The following TRIM7 variants were observed in gnomAD, a reference collection of about 807,000 sequenced individuals.
TRIM7 encodes the protein tripartite motif containing 7.
Under a neutral mutation model 37.9 loss-of-function variants are expected in TRIM7, and 32 were observed. The observed-to-expected ratio is 0.84, with a 90% CI of 0.64 to 1.13. The LOEUF is 1.13. TRIM7 is among the 50% of genes most tolerant of loss of function. The probability of loss-of-function intolerance (pLI) is 0.00; values close to 1 mark genes in which losing one functional copy is unlikely to be tolerated. For missense variants in TRIM7, 732 were observed against 714.0 expected (o/e 1.03, Z -0.29); for synonymous variants, 351 against 321.3 (o/e 1.09, Z -0.99).
chr5:181,200,180 C>A, intron 2 of TRIM7, 99 bp from the exon 3 acceptor site: 2 of 1,603,566 alleles, frequency 1.2e-6, no homozygotes, highest in South Asian at 1.1e-5. Context: ...TCGTCCCTGT[C>A]ACTGCTGGAG....
intron 4 of TRIM7, 122 bp from the exon 5 acceptor site, chr5:181,198,927 G>T: frequency 1.7e-6 from 2 of 1,172,394 alleles, no homozygotes; most frequent in Non-Finnish European, 2.5e-6. Context: ...CAGACCTCAT[G>T]CAGAAAAACC....
chr5:181,194,439 C>T lies in TRIM7; in HGVS notation c.*727G>A, dbSNP rs1340306655. The T allele has an allele frequency of 2.0e-5, 3 of 151,418 alleles. No homozygotes were observed. The highest frequency in any genetic ancestry group is 2.9e-5 in the Non-Finnish European group (2 of 68,114). The allele number at this position is 151,418 out of a possible 1,614,324, so 9.4% of individuals were successfully genotyped here. On this transcript the variant is annotated 3_prime_UTR_variant, in exon 7 of 7. Coordinates refer to ENST00000274773, the MANE Select transcript of TRIM7 (RefSeq NM_203293.3). ...AGCTTTGCTCTCCTTATCCAAGCAGCGTTTGTACTTTGGCACTGGAAAGTG... is the reference window on the plus strand; with the variant it reads ...AGCTTTGCTCTCCTTATCCAAGCAGTGTTTGTACTTTGGCACTGGAAAGTG...
At chr5:181,195,885 T>C (rs1757090262) in intron 6 of TRIM7, 1 of 507,962 alleles carries the variant, frequency 2.0e-6, no homozygotes, top group Non-Finnish European at 3.3e-6. Flanking sequence ...AAGTACTTAC[T>C]GAAATCAAAC....
At chr5:181,200,801 G>A (rs548617671) in intron 2 of TRIM7, 40 of 985,666 alleles carry the variant, frequency 4.1e-5, no homozygotes, top group Non-Finnish European at 4.3e-5. Flanking sequence ...CACTCAATAT[G>A]TCCCACCAGG....
At chr5:181,198,093 C>T in intron 6 of TRIM7, 90 bp downstream of exon 6, 3 of 1,470,908 alleles carry the variant, frequency 2.0e-6, no homozygotes, top group Non-Finnish European at 2.8e-6. Context: ...AGGAACCGAC[C>T]ATATGCAAAA....
chr5:181,195,539 G>T lies in TRIM7; in HGVS notation c.1163C>A (p.Ala388Glu), dbSNP rs752706205. 1.9e-6 allele frequency: 3 copies of T among 1,612,250 alleles called. No individual in the cohort carries two copies. The highest frequency in any genetic ancestry group is 3.3e-5 in the Admixed American group (2 of 59,954). The change falls in exon 7 of 7, where the codon GCG (alanine) becomes GAG (glutamate). Residue 388 changes from alanine (A) to glutamate (E), a missense_variant. Ala to Glu is a moderately radical substitution (Grantham distance 107, BLOSUM62 -1). Transcript: ENST00000274773. ...CRFDTNTRVLASCGFSSGRHH... is the reference protein window; with the variant it reads ...CRFDTNTRVLESCGFSSGRHH... ...CCGGCCCGAGGAGAAGCCGCAGGAC[G>T]CCAGGACGCGGGTGTTGGTGTCGAA... is the stretch of plus-strand genomic sequence containing the variant.
rs1757316737 is a variant in TRIM7 at position 181,199,049 on chromosome 5, G to C, written c.872+46C>G. ...AATAAAGACAAGGCTCAGTGAAAAG[G>C]GAAGAAGCAACTTAGAGAGGCCCCA... is the stretch of plus-strand genomic sequence containing the variant. On this transcript the variant is annotated intron_variant, in intron 4 of 6. Transcript: ENST00000274773. The C allele has an allele frequency of 2.5e-6, 4 of 1,612,740 alleles. No individual in the cohort carries two copies. In the South Asian group the frequency reaches 3.3e-5, roughly 13 times the overall value.
chr5:181,205,069 G>C lies in TRIM7; in HGVS notation c.42C>G (p.Ala14=), dbSNP rs1176164914. 3 of 1,374,848 alleles carry C rather than the reference G, an allele frequency of 2.2e-6. 1 individual carries two copies. The highest frequency in any genetic ancestry group is 2.8e-6 in the Non-Finnish European group (3 of 1,067,850). 85.2% of individuals were successfully genotyped at this position (1,374,848 alleles called of 1,614,324 possible). ...VGPRTGPGTG[A]EALALAAELQ... ...GCTCTGCCGCCAGCGCTAGAGCCTC[G>C]GCGCCGGTTCCGGGGCCGGTCCGCG... Residue 14 remains alanine, a synonymous_variant, in exon 1 of 7, where the codon GCC becomes GCG. Transcript: ENST00000274773.
rs763089536 is a variant in TRIM7 at position 181,199,884 on chromosome 5, C to T, written c.816G>A (p.Glu272=). The T allele has an allele frequency of 1.9e-6, 3 of 1,614,204 alleles. No homozygotes were observed. The highest frequency in any genetic ancestry group is 2.5e-6 in the Non-Finnish European group (3 of 1,180,040). ...AGTCAAGGTCAGGCTTTTGAGCTGT[C>T]TCCTGGATCTGGCTGCTGAGCTTGG... The part of the protein sequence containing the change: ...QLSKLSSQIQ[E]TAQKPDLDFL... The change falls in exon 3 of 7, where the codon GAG becomes GAA. Residue 272 remains glutamate (E), a synonymous_variant. Transcript: ENST00000274773.
In TRIM7 at chr5:181,195,693, G is replaced by A. The variant is rs772538870; in HGVS notation, c.1025-16C>T. 2 of 1,509,828 alleles carry A rather than the reference G, an allele frequency of 1.3e-6. No homozygotes were observed. The highest frequency in any genetic ancestry group is 8.9e-7 in the Non-Finnish European group (1 of 1,128,014). The allele number at this position is 1,509,828 out of a possible 1,614,324, so 93.5% of individuals were successfully genotyped here. A position where few individuals can be genotyped will look rare whatever the true frequency, so the allele number is the denominator to read the frequency against. On this transcript the variant is annotated splice_polypyrimidine_tract_variant and intron_variant, in intron 6 of 6. Transcript: ENST00000274773. Reference sequence around the variant, plus strand: ...GTGAGCTCCACTGCAGACAGAGACAGGGAGAAATGTCCCCACGCAGCCAGG... The same window carrying A: ...GTGAGCTCCACTGCAGACAGAGACAAGGAGAAATGTCCCCACGCAGCCAGG...
chr5:181,203,403 T>A, intron 2 of TRIM7, 142 bp downstream of exon 2: 1 of 1,506,792 alleles, frequency 6.6e-7, no homozygotes, highest in Non-Finnish European at 8.8e-7. Flanking sequence ...GGACACCCTA[T>A]ATAATATGGA....
At position 181,195,538 on chromosome 5, in the gene TRIM7, C is replaced by T. The variant is rs539992975; in HGVS notation, c.1164G>A (p.Ala388=). 31 of 1,612,384 alleles carry T rather than the reference C, an allele frequency of 1.9e-5. No individual in the cohort carries two copies. The East Asian group carries it at 6.7e-4, about 35-fold the overall frequency. ...GCCGGCCCGAGGAGAAGCCGCAGGA[C>T]GCCAGGACGCGGGTGTTGGTGTCGA... is the stretch of plus-strand genomic sequence containing the variant. The part of the protein sequence containing the change: ...CRFDTNTRVL[A]SCGFSSGRHH... Residue 388 remains alanine (A), a synonymous_variant, in exon 7 of 7, where the codon GCG becomes GCA. Transcript: ENST00000274773.
At chr5:181,198,041 G>A in intron 6 of TRIM7, 142 bp downstream of exon 6, 4 of 774,618 alleles carry the variant, frequency 5.2e-6, no homozygotes, top group Non-Finnish European at 8.6e-6. Flanking sequence ...GTGGTGTGGG[G>A]GAGGGGACAG....
chr5:181,198,128 G>A, intron 6 of TRIM7, 55 bp downstream of exon 6: 2 of 1,601,666 alleles, frequency 1.2e-6, no homozygotes, highest in Non-Finnish European at 1.7e-6. Flanking sequence ...CGAGCAGGGA[G>A]TAGGATCTCT....
chr5:181,197,342 G>A (rs1441141540), intron 6 of TRIM7: 7 of 152,396 alleles, frequency 4.6e-5, no homozygotes, highest in Non-Finnish European at 7.3e-5. Context: ...CAACCAGAGT[G>A]GCCAGGGAAG....
intron 5 of TRIM7, 37 bp downstream of exon 5, chr5:181,198,653 C>T (rs759304775): frequency 1.4e-5 from 21 of 1,450,442 alleles, no homozygotes; most frequent in Middle Eastern, 1.8e-4. Flanking sequence ...CCACCACCAC[C>T]GCACTATGTG....
At chr5:181,197,834 G>C (rs1757224899) in intron 6 of TRIM7, 3 of 299,468 alleles carry the variant, frequency 1.0e-5, no homozygotes, top group East Asian at 6.8e-5. Flanking sequence ...TTGCTTTCCT[G>C]GTCCCCTGTA....
In TRIM7 at chr5:181,200,577, T is replaced by G. The variant is rs1422737933; in HGVS notation, c.619-496A>C. 3.0e-6 allele frequency: 3 copies of G among 1,005,952 alleles called. No homozygotes were observed. In the Admixed American group the frequency reaches 1.6e-4, roughly 52 times the overall value. The allele number at this position is 1,005,952 out of a possible 1,614,324, so 62.3% of individuals were successfully genotyped here. ...TAACACATGCTCAAAATACAAAACT[T>G]GGGAGATGTAGGAAAGTAGAAAGAA... On this transcript the variant is annotated intron_variant, in intron 2 of 6. Coordinates refer to ENST00000274773, the MANE Select transcript of TRIM7 (RefSeq NM_203293.3).
At chr5:181,200,717 G>A (rs775091127) in intron 2 of TRIM7, 51 of 988,222 alleles carry the variant, frequency 5.2e-5, no homozygotes, top group Middle Eastern at 5.2e-4. Flanking sequence ...AGCATACACC[G>A]GATTTTTTAC....
Sources: allele counts gnomAD v4.1 joint callset, GRCh38; gene constraint gnomAD v4.1.1; transcripts MANE v1.5; gene names NCBI Gene and HGNC (gene_info 2026-07-23, HGNC 2026-07-21).